The following NAALADL2 variants were observed in gnomAD, a reference collection of about 807,000 sequenced individuals.
NAALADL2 encodes N-acetylated alpha-linked acidic dipeptidase like 2, also known as inactive N-acetylated-alpha-linked acidic dipeptidase-like protein 2.
A neutral mutation model predicts 87.2 loss-of-function variants in NAALADL2; 76 were observed. That is an observed-to-expected ratio of 0.87 (90% CI 0.72 to 1.05). The LOEUF (loss-of-function observed/expected upper bound fraction) is 1.05. NAALADL2 is among the 50% of genes least tolerant of loss of function. The probability of loss-of-function intolerance (pLI) is 0.00; values close to 1 mark genes in which losing one functional copy is unlikely to be tolerated. For synonymous variants in NAALADL2, 354 were observed against 331.0 expected (o/e 1.07, Z -0.75); for missense variants, 1,089 against 945.8 (o/e 1.15, Z -1.99).
chr3:174,921,802 C>T (rs1262915205), intron 1 of NAALADL2, among the ~76,000 whole-genome samples: 1 of 103,508 alleles, frequency 9.7e-6, no homozygotes, highest in Non-Finnish European at 1.8e-5. Context: ...AAGACTCCGT[C>T]TCAAAAAAAA....
chr3:174,625,207 C>T lies in NAALADL2; in HGVS notation c.-115+74570C>T, dbSNP rs992267341. 4.0e-5 allele frequency among the ~76,000 whole-genome samples: 6 copies of T among 151,776 alleles called. 1 individual carries two copies. Among genetic ancestry groups the T allele is most frequent in the South Asian group, 4.2e-4 (2 of 4,816 alleles). On this transcript the variant is annotated intron_variant, in intron 2 of 3. Coordinates refer to the NAALADL2 transcript ENST00000434257. ...CCAGGTAACTGGGACTATGGGCACA[C>T]GCCACCACTCCCAGCTAATTTTGGT...
At chr3:175,601,033 A>G (rs1013373736) in intron 10 of NAALADL2, among the ~76,000 whole-genome samples, 3 of 152,196 alleles carry the variant, frequency 2.0e-5, no homozygotes. Flanking sequence ...AATTACAATA[A>G]GGAAAAATCT....
rs575426304 is a variant in NAALADL2, at chr3:175,610,503, T to A, written c.1801-16788T>A. 2.0e-5 allele frequency among the ~76,000 whole-genome samples: 3 copies of A among 152,158 alleles called. No individual in the cohort carries two copies. The South Asian group carries it at 6.2e-4, about 31-fold the overall frequency. The stretch of plus-strand genomic sequence containing the variant: ...TGGCTATGATACTTTATTCTCAGGA[T>A]CTTAAGCCATTGTATTCTAGTTTTC... On this transcript the variant is annotated intron_variant, in intron 10 of 13. Transcript: ENST00000454872.
chr3:175,166,059 T>C (rs2108875935), intron 2 of NAALADL2, among the ~76,000 whole-genome samples: 1 of 151,914 alleles, frequency 6.6e-6, no homozygotes, highest in African/African-American at 2.4e-5. Flanking sequence ...TTTTTTACTC[T>C]TCTAAAATTT....
At chr3:174,893,460 G>A (rs1401759120) in intron 1 of NAALADL2, among the ~76,000 whole-genome samples, 1 of 152,148 alleles carries the variant, frequency 6.6e-6, no homozygotes. Context: ...AAGACTAAAT[G>A]AGGAACCAAT....
At chr3:175,265,415 A>C (rs113261190) in intron 4 of NAALADL2, among the ~76,000 whole-genome samples, 6 of 151,808 alleles carry the variant, frequency 4.0e-5, no homozygotes, top group African/African-American at 1.4e-4. Context: ...ATACCAATAG[A>C]GTTTTAAAAG....
rs1267487739 is a variant in NAALADL2 at position 174,829,685 on chromosome 3, C to T, written c.-9+91939C>T. On this transcript the variant is annotated intron_variant, in intron 3 of 3. Coordinates refer to the NAALADL2 transcript ENST00000434257. ...TTCCAGTTCTAGATCCCTGAGGAAT[C>T]GCCACACTGACTTCCACAATGGTTG... 2.3e-3 allele frequency among the ~76,000 whole-genome samples: 318 copies of T among 141,076 alleles called. 2 individuals carry two copies. Among genetic ancestry groups the T allele is most frequent in the African/African-American group, 8.2e-3 (287 of 35,084 alleles). The allele number at this position is 141,076 out of a possible 152,430, so 92.6% of individuals were successfully genotyped here. A position where few individuals can be genotyped will look rare whatever the true frequency, so the allele number is the denominator to read the frequency against.
chr3:175,310,159 A>G (rs1309387615), intron 4 of NAALADL2, among the ~76,000 whole-genome samples: 1 of 152,186 alleles, frequency 6.6e-6, no homozygotes, highest in Non-Finnish European at 1.5e-5. Context: ...TTTTTTCCAA[A>G]TACATTCTTT....
At chr3:175,067,997 A>G (rs1354636973) in intron 1 of NAALADL2, among the ~76,000 whole-genome samples, 2 of 152,136 alleles carry the variant, frequency 1.3e-5, no homozygotes, top group African/African-American at 4.8e-5. Flanking sequence ...ATAGAAAACC[A>G]TATACCACAT....
At chr3:174,924,560 C>A (rs956169659) in intron 1 of NAALADL2, among the ~76,000 whole-genome samples, 8 of 152,004 alleles carry the variant, frequency 5.3e-5, no homozygotes, top group Non-Finnish European at 1.2e-4. Context: ...GATTTATAAT[C>A]CTTTGGGTAT....
At chr3:175,705,550 A>T (rs1254282075) in intron 11 of NAALADL2, among the ~76,000 whole-genome samples, 1 of 138,922 alleles carries the variant, frequency 7.2e-6, no homozygotes, top group East Asian at 2.0e-4. Context: ...AGAAGAAAGA[A>T]GAAGAAAAAA....
chr3:175,507,413 A>T (rs371974404), intron 9 of NAALADL2, among the ~76,000 whole-genome samples: 22 of 152,216 alleles, frequency 1.4e-4, no homozygotes, highest in African/African-American at 4.8e-4. Flanking sequence ...TATTTTGATT[A>T]TTAGGCATTA....
At chr3:175,334,059 A>G (rs529458133) in intron 5 of NAALADL2, among the ~76,000 whole-genome samples, 1 of 152,314 alleles carries the variant, frequency 6.6e-6, no homozygotes, top group Admixed American at 6.5e-5. Flanking sequence ...TTTCTGACAC[A>G]GTACAATGTT....
intron 5 of NAALADL2, among the ~76,000 whole-genome samples, chr3:175,386,478 C>T (rs961473759): frequency 2.0e-5 from 3 of 151,398 alleles, no homozygotes; most frequent in Non-Finnish European, 4.4e-5. Flanking sequence ...GTATTTCTGT[C>T]AAGAGGCATG....
At chr3:175,031,586 G>T (rs927493736) in intron 1 of NAALADL2, among the ~76,000 whole-genome samples, 10 of 152,158 alleles carry the variant, frequency 6.6e-5, no homozygotes, top group African/African-American at 2.2e-4. Context: ...ACATACAAGT[G>T]CATGTTTCTT....
chr3:175,737,184 T>C (rs143691940), intron 11 of NAALADL2, 122 bp from the exon 12 acceptor site: 4 of 616,682 alleles, frequency 6.5e-6, no homozygotes, highest in Non-Finnish European at 1.1e-5. Flanking sequence ...TATAAAACTA[T>C]ATTATTCCTG....
rs760690405 is a variant in NAALADL2 at position 174,930,614 on chromosome 3, C to CTTTTTTTTTTTTTTTT, written c.43+71174_43+71189dup. ...TTGCAAGTCCTTTAAATAAGATGAA[C>CTTTTTTTTTTTTTTTT]TTTTTTTTTTTTTTTTTTTTTTTTT... On this transcript the variant is annotated intron_variant, in intron 1 of 13. Transcript: ENST00000454872. Among the ~76,000 whole-genome samples the CTTTTTTTTTTTTTTTT allele has an allele frequency of 4.9e-4, 33 of 66,814 alleles. 5 individuals are homozygous for CTTTTTTTTTTTTTTTT. Among genetic ancestry groups the CTTTTTTTTTTTTTTTT allele is most frequent in the African/African-American group, 7.0e-4 (11 of 15,782 alleles). 43.8% of individuals were successfully genotyped at this position (66,814 alleles called of 152,430 possible). A position where few individuals can be genotyped will look rare whatever the true frequency, so the allele number is the denominator to read the frequency against.
intron 1 of NAALADL2, among the ~76,000 whole-genome samples, chr3:174,535,156 C>T (rs772446042): frequency 1.3e-5 from 2 of 152,142 alleles, no homozygotes; most frequent in Non-Finnish European, 2.9e-5. Flanking sequence ...TAACCATTGA[C>T]TAGCAGGGCA....
At chr3:175,409,229 T>G (rs553425153) in intron 5 of NAALADL2, among the ~76,000 whole-genome samples, 297 of 151,974 alleles carry the variant, frequency 2.0e-3, no homozygotes, top group African/African-American at 6.9e-3. Flanking sequence ...TGTGGAGACA[T>G]GGAGAAATTT....
Sources: allele counts gnomAD v4.1 joint callset (sites outside exome capture counted in the v4.1 genomes callset), GRCh38; gene constraint gnomAD v4.1.1; transcripts MANE v1.5; gene names NCBI Gene and HGNC (gene_info 2026-07-23, HGNC 2026-07-21).